Variants in TMEM71 observed in about 807,000 individuals in gnomAD.
TMEM71 encodes transmembrane protein 71.
In TMEM71, 44 loss-of-function variants were observed where a neutral mutation model predicts 38.0. The ratio of observed to expected loss-of-function variants is 1.16; its 90% CI spans 0.91 to 1.49. TMEM71 has a LOEUF of 1.49. TMEM71 is among the 40% of genes most tolerant of loss of function. The pLI is 0.00. For missense variants in TMEM71, 367 were observed against 348.6 expected (o/e 1.05, Z -0.42); for synonymous variants, 133 against 122.5 (o/e 1.09, Z -0.56).
At chr8:132,758,696 A>T (rs1829168237) in intron 2 of TMEM71, 144 bp downstream of exon 2, 1 of 674,534 alleles carries the variant, frequency 1.5e-6, no homozygotes, top group Non-Finnish European at 2.6e-6. Flanking sequence ...AATCATTGCC[A>T]AAGTGAACAC....
Position 132,756,411 on chromosome 8 carries a change from T to TTATATATATATATATATA in TMEM71, c.101+805_101+822dup, listed in dbSNP as rs55767264. ...CCATATATTGACACTAACATATATA[T>TTATATATATATATATATA]TATATATATATATATATATATATAT... On this transcript the variant is annotated intron_variant, in intron 3 of 9. Coordinates refer to ENST00000677595, the MANE Select transcript of TMEM71 (RefSeq NM_001382403.1). 6.7e-4 allele frequency among the ~76,000 whole-genome samples: 77 copies of TTATATATATATATATATA among 115,786 alleles called. 1 individual carries two copies. Among genetic ancestry groups the TTATATATATATATATATA allele is most frequent in the African/African-American group, 1.1e-3 (27 of 24,514 alleles). 76.0% of individuals were successfully genotyped at this position (115,786 alleles called of 152,430 possible).
the TMEM71 span, among the ~76,000 whole-genome samples, chr8:132,771,568 A>T: frequency 1.3e-5 from 2 of 151,682 alleles, no homozygotes; most frequent in Non-Finnish European, 2.9e-5. Context: ...TATCAAAGTA[A>T]TATATATTAC....
At chr8:132,732,564 AG>A (rs1827517062) in intron 5 of TMEM71, among the ~76,000 whole-genome samples, 2 of 152,152 alleles carry the variant, frequency 1.3e-5, no homozygotes, top group South Asian at 4.2e-4. Context: ...GGTGATTTAG[AG>A]TCATTAAAAA....
At chr8:132,766,643 T>C in the TMEM71 span, among the ~76,000 whole-genome samples, 1 of 151,942 alleles carries the variant, frequency 6.6e-6, no homozygotes, top group African/African-American at 2.4e-5. Flanking sequence ...CTACAAAAAA[T>C]AGCCAGGTGT....
chr8:132,749,643 G>GCTGGGTCT (rs1828582752), intron 4 of TMEM71, among the ~76,000 whole-genome samples: 1 of 152,212 alleles, frequency 6.6e-6, no homozygotes, highest in Non-Finnish European at 1.5e-5. Flanking sequence ...AAAGAAAGAG[G>GCTGGGTCT]CTGGGTCTCT....
intron 5 of TMEM71, among the ~76,000 whole-genome samples, chr8:132,739,116 C>G (rs1476458913): frequency 6.6e-6 from 1 of 152,118 alleles, no homozygotes; most frequent in East Asian, 1.9e-4. Flanking sequence ...AAAATCATAG[C>G]CATGTAATTA....
At chr8:132,751,697 A>G (rs1828717795) in intron 4 of TMEM71, 88 bp downstream of exon 4, 1 of 1,316,346 alleles carries the variant, frequency 7.6e-7, no homozygotes, top group Non-Finnish European at 1.1e-6. Flanking sequence ...GGCTCCTTAT[A>G]AAAGATAGTT....
intron 7 of TMEM71, among the ~76,000 whole-genome samples, chr8:132,715,450 C>T (rs1262069267): frequency 7.4e-6 from 1 of 135,452 alleles, no homozygotes; most frequent in South Asian, 2.4e-4. Flanking sequence ...GAAAAGTGTG[C>T]AAACAGTTGG....
chr8:132,733,870 G>C (rs1004747228), intron 5 of TMEM71, among the ~76,000 whole-genome samples: 2 of 152,096 alleles, frequency 1.3e-5, no homozygotes, highest in African/African-American at 4.8e-5. Flanking sequence ...GATAAACCTG[G>C]AGCACAGTAT....
At chr8:132,721,908 G>T in intron 7 of TMEM71, 132 bp downstream of exon 7, 1 of 791,762 alleles carries the variant, frequency 1.3e-6, no homozygotes, top group Non-Finnish European at 2.2e-6. Context: ...ACTTATCATG[G>T]ACAGACACAT....
At chr8:132,707,073 T>C (rs1826105000), downstream of TMEM71, among the ~76,000 whole-genome samples, 1 of 152,188 alleles carries the variant, frequency 6.6e-6, no homozygotes, top group Admixed American at 6.5e-5. Flanking sequence ...GAGTAAAGTC[T>C]ACAAGACAAA....
chr8:132,752,134 G>C, intron 3 of TMEM71, 137 bp from the exon 4 acceptor site: 1 of 719,086 alleles, frequency 1.4e-6, no homozygotes, highest in South Asian at 1.7e-5. Context: ...CATTAGGAAT[G>C]TCACTCTTAA....
intron 4 of TMEM71, among the ~76,000 whole-genome samples, chr8:132,748,634 T>A (rs1828523126): frequency 6.6e-6 from 1 of 152,254 alleles, no homozygotes; most frequent in Non-Finnish European, 1.5e-5. Flanking sequence ...TGAGATCAAT[T>A]AAAATTGAAT....
At chr8:132,751,110 C>G (rs1828684958) in intron 4 of TMEM71, among the ~76,000 whole-genome samples, 1 of 152,144 alleles carries the variant, frequency 6.6e-6, no homozygotes, top group African/African-American at 2.4e-5. Flanking sequence ...TTTATCAATG[C>G]CTGCTCCCTC....
At chr8:132,725,465 A>T (rs1278600415) in intron 6 of TMEM71, among the ~76,000 whole-genome samples, 1 of 152,220 alleles carries the variant, frequency 6.6e-6, no homozygotes, top group Admixed American at 6.5e-5. Flanking sequence ...CTGCACTGTA[A>T]GCCTGGAATT....
At chr8:132,756,268 T>C (rs1828997912) in intron 3 of TMEM71, among the ~76,000 whole-genome samples, 1 of 151,772 alleles carries the variant, frequency 6.6e-6, no homozygotes, top group Admixed American at 6.6e-5. Flanking sequence ...TAGAATTCTG[T>C]TGCTCTTGTA....
intron 5 of TMEM71, among the ~76,000 whole-genome samples, chr8:132,728,763 A>C (rs1198724741): frequency 6.6e-6 from 1 of 152,214 alleles, no homozygotes; most frequent in African/African-American, 2.4e-5. Context: ...CATTTATTGA[A>C]TGTGACTATA....
intron 5 of TMEM71, among the ~76,000 whole-genome samples, chr8:132,746,087 T>TG (rs891773411): frequency 6.7e-6 from 1 of 149,132 alleles, no homozygotes; most frequent in Admixed American, 6.8e-5. Context: ...ACCTGGGTGA[T>TG]GGGATCATTC....
At chr8:132,745,094 A>G (rs1489474956) in intron 5 of TMEM71, among the ~76,000 whole-genome samples, 1 of 152,232 alleles carries the variant, frequency 6.6e-6, no homozygotes, top group Non-Finnish European at 1.5e-5. Flanking sequence ...CCTAGGCAAC[A>G]CCATTCTGGA....
Sources: gnomAD v4.1 joint callset for allele counts (sites outside exome capture counted in the v4.1 genomes callset) on GRCh38, gnomAD v4.1.1 for gene constraint, MANE v1.5 for transcripts, NCBI Gene and HGNC (gene_info 2026-07-23, HGNC 2026-07-21) for gene names.